Variants in KCNAB1 observed in about 807,000 individuals in gnomAD.
The protein encoded by KCNAB1 is voltage-gated potassium channel subunit beta-1.
In KCNAB1, 35 loss-of-function variants were observed where a neutral mutation model predicts 64.6. The ratio of observed to expected loss-of-function variants is 0.54; its 90% CI spans 0.41 to 0.72. The LOEUF (loss-of-function observed/expected upper bound fraction) is 0.72, where lower values mean the gene tolerates loss of function less well. Ranked by LOEUF, KCNAB1 falls within the 30% of genes least tolerant of loss-of-function variation. The probability of loss-of-function intolerance (pLI) is 0.00; values close to 1 mark genes in which losing one functional copy is unlikely to be tolerated. For synonymous variants in KCNAB1, 177 were observed against 183.8 expected (o/e 0.96, Z 0.30); for missense variants, 401 against 512.9 (o/e 0.78, Z 2.11).
intron 1 of KCNAB1, among the ~76,000 whole-genome samples, chr3:156,210,955 G>C (rs993089324): frequency 6.6e-6 from 1 of 152,234 alleles, no homozygotes; most frequent in African/African-American, 2.4e-5. Flanking sequence ...GGTCCAGGAA[G>C]CAGAGTTGGC....
intron 1 of KCNAB1, among the ~76,000 whole-genome samples, chr3:156,307,546 A>C (rs1169362010): frequency 3.3e-5 from 5 of 152,148 alleles, no homozygotes. Context: ...TGCAGGGCCA[A>C]CTGTAAAAAG....
At chr3:156,511,742 T>C (rs968997639) in intron 8 of KCNAB1, among the ~76,000 whole-genome samples, 12 of 152,254 alleles carry the variant, frequency 7.9e-5, no homozygotes, top group African/African-American at 2.9e-4. Context: ...CTGTTACTAA[T>C]GATTCTCCAC....
intron 1 of KCNAB1, among the ~76,000 whole-genome samples, chr3:156,312,493 CTTGAGACCAGGAGT>C (rs1224556267): frequency 6.6e-6 from 1 of 152,010 alleles, no homozygotes; most frequent in Non-Finnish European, 1.5e-5. Flanking sequence ...GGGTGGATCA[CTTGAGACCAGGAGT>C]TTGAGACCAG....
chr3:156,332,590 C>T (rs1450103), intron 1 of KCNAB1, among the ~76,000 whole-genome samples: 4,043 of 152,182 alleles, frequency 0.027, 78 homozygotes, highest in Middle Eastern at 0.041. Flanking sequence ...AGGAATGTCT[C>T]CAACTGCCAA....
upstream of KCNAB1, among the ~76,000 whole-genome samples, chr3:156,120,192 A>G (rs1218602329): frequency 6.6e-6 from 1 of 152,258 alleles, no homozygotes; most frequent in African/African-American, 2.4e-5. Flanking sequence ...GACTCTAATC[A>G]GGAATGGCTA....
At chr3:156,509,097 A>AAG (rs543658891) in intron 8 of KCNAB1, among the ~76,000 whole-genome samples, 2 of 151,344 alleles carry the variant, frequency 1.3e-5, no homozygotes, top group African/African-American at 4.9e-5. Context: ...GAGGGAGAGG[A>AAG]AGAGAGAGAG....
intron 1 of KCNAB1, among the ~76,000 whole-genome samples, chr3:156,184,974 C>T (rs1713094364): frequency 6.6e-6 from 1 of 152,188 alleles, no homozygotes; most frequent in South Asian, 2.1e-4. Flanking sequence ...TATTATTTAA[C>T]ATTACAGTAC....
chr3:156,158,183 TA>T (rs1167178327), intron 1 of KCNAB1, among the ~76,000 whole-genome samples: 2,037 of 31,992 alleles, frequency 0.064, 142 homozygotes, highest in Non-Finnish European at 0.084. Flanking sequence ...AAATAAAAAA[TA>T]AATAAATAAA....
At chr3:156,372,060 C>A (rs934046649) in intron 1 of KCNAB1, among the ~76,000 whole-genome samples, 5 of 152,072 alleles carry the variant, frequency 3.3e-5, no homozygotes, top group African/African-American at 7.2e-5. Flanking sequence ...TTACTTGCAG[C>A]GTCTCTGGTT....
chr3:156,533,618 GC>G (rs923552110), intron 13 of KCNAB1, among the ~76,000 whole-genome samples: 1 of 152,120 alleles, frequency 6.6e-6, no homozygotes, highest in Non-Finnish European at 1.5e-5. Context: ...GGTCACTCTG[GC>G]TGCCATGCAT....
At chr3:156,316,153 G>T (rs1336330944) in intron 1 of KCNAB1, among the ~76,000 whole-genome samples, 1 of 152,168 alleles carries the variant, frequency 6.6e-6, no homozygotes, top group Non-Finnish European at 1.5e-5. Flanking sequence ...CAAGAATCCT[G>T]AGGAGTTAAG....
chr3:156,241,293 C>CCA (rs1488063585), intron 1 of KCNAB1, among the ~76,000 whole-genome samples: 2 of 152,134 alleles, frequency 1.3e-5, no homozygotes, highest in Non-Finnish European at 2.9e-5. Flanking sequence ...GCAAATCTTC[C>CCA]CATACCTCCT....
At chr3:156,431,595 G>A (rs1716215443) in intron 2 of KCNAB1, among the ~76,000 whole-genome samples, 1 of 152,154 alleles carries the variant, frequency 6.6e-6, no homozygotes, top group South Asian at 2.1e-4. Flanking sequence ...ATGCCTTAAG[G>A]GCCTCAGCTG....
intron 1 of KCNAB1, among the ~76,000 whole-genome samples, chr3:156,395,543 T>TAAAAAGAAAAAAA (rs1318444935): frequency 1.2e-4 from 1 of 8,450 alleles, no homozygotes; most frequent in African/African-American, 2.3e-4. Context: ...AGACTCCGTC[T>TAAAAAGAAAAAAA]CAAAAAAAAA....
At chr3:156,444,171 G>A (rs575841705) in intron 2 of KCNAB1, among the ~76,000 whole-genome samples, 4 of 152,260 alleles carry the variant, frequency 2.6e-5, no homozygotes, top group South Asian at 2.1e-4. Context: ...CTTTGTGTGC[G>A]TCATTTGAAA....
intron 1 of KCNAB1, among the ~76,000 whole-genome samples, chr3:156,357,155 G>GCA (rs1560214513): frequency 7.9e-6 from 1 of 126,240 alleles, no homozygotes; most frequent in African/African-American, 4.7e-5. Context: ...ACACACATGT[G>GCA]CGCGCACACA....
At chr3:156,126,643 G>C (rs1713671482) in intron 1 of KCNAB1, among the ~76,000 whole-genome samples, 1 of 152,188 alleles carries the variant, frequency 6.6e-6, no homozygotes, top group African/African-American at 2.4e-5. Context: ...TACTAGCCTG[G>C]AGGCTCTGGG....
chr3:156,435,849 G>T (rs1014758906), intron 2 of KCNAB1, among the ~76,000 whole-genome samples: 1 of 151,682 alleles, frequency 6.6e-6, no homozygotes, highest in African/African-American at 2.4e-5. Flanking sequence ...TGGCAGCATT[G>T]CTATCTTGTT....
chr3:156,285,900 CAG>C (rs1355216578), intron 1 of KCNAB1, among the ~76,000 whole-genome samples: 1 of 152,334 alleles, frequency 6.6e-6, no homozygotes, highest in East Asian at 1.9e-4. Flanking sequence ...TCTGCTATAT[CAG>C]AGTGTTCAAA....
Sources: allele counts gnomAD v4.1 joint callset (sites outside exome capture counted in the v4.1 genomes callset), GRCh38; gene constraint gnomAD v4.1.1; transcripts MANE v1.5; gene names NCBI Gene and HGNC (gene_info 2026-07-23, HGNC 2026-07-21).